Variants in ATF7IP observed in about 807,000 individuals in gnomAD.
The protein encoded by ATF7IP is activating transcription factor 7-interacting protein 1.
Under a neutral mutation model 106.4 loss-of-function variants are expected in ATF7IP, and 23 were observed. That is an observed-to-expected ratio of 0.22 (90% CI 0.16 to 0.31). ATF7IP has a LOEUF of 0.31. ATF7IP is among the 10% of genes least tolerant of loss of function. The pLI is 1.00. For missense variants in ATF7IP, 1,334 were observed against 1,524.3 expected (o/e 0.88, Z 2.08); for synonymous variants, 542 against 539.0 (o/e 1.01, Z -0.08).
intron 13 of ATF7IP, among the ~76,000 whole-genome samples, chr12:14,485,685 T>C (rs1425778428): frequency 6.6e-6 from 1 of 152,222 alleles, no homozygotes; most frequent in Non-Finnish European, 1.5e-5. Context: ...AAATTGCTTC[T>C]GGTGGGCCTT....
At chr12:14,495,204 C>A (rs1296778144) in intron 13 of ATF7IP, among the ~76,000 whole-genome samples, 1 of 152,160 alleles carries the variant, frequency 6.6e-6, no homozygotes, top group Non-Finnish European at 1.5e-5. Context: ...TCCACTGACT[C>A]AAATGTTAAT....
At chr12:14,469,202 A>G (rs192430955) in intron 10 of ATF7IP, among the ~76,000 whole-genome samples, 82 of 152,126 alleles carry the variant, frequency 5.4e-4, no homozygotes, top group African/African-American at 1.7e-3. Context: ...TCTACTAAAA[A>G]TACAAAAATT....
At chr12:14,402,001 C>T (rs1419868142) in intron 1 of ATF7IP, among the ~76,000 whole-genome samples, 2 of 151,610 alleles carry the variant, frequency 1.3e-5, no homozygotes, top group Non-Finnish European at 2.9e-5. Context: ...CGTGAGCCAC[C>T]GCGCCTGGCC....
At chr12:14,450,212 A>C (rs73304301) in intron 6 of ATF7IP, among the ~76,000 whole-genome samples, 3,183 of 152,302 alleles carry the variant, frequency 0.021, 102 homozygotes, top group African/African-American at 0.071. Context: ...ATTGAACAGA[A>C]GTGGCAAGAG....
intron 5 of ATF7IP, 22 bp downstream of exon 5, chr12:14,438,289 G>C (rs771494608): frequency 1.1e-5 from 18 of 1,589,710 alleles, no homozygotes; most frequent in Non-Finnish European, 7.7e-6. Flanking sequence ...GACTTGAGTT[G>C]TATACTCCAT....
At chr12:14,468,737 A>G (rs1017811360) in intron 10 of ATF7IP, among the ~76,000 whole-genome samples, 43 of 152,242 alleles carry the variant, frequency 2.8e-4, no homozygotes, top group African/African-American at 1.0e-3. Flanking sequence ...AATAATAAAT[A>G]TAATTACAGG....
chr12:14,455,392 A>G (rs1406351247), intron 6 of ATF7IP, among the ~76,000 whole-genome samples: 1 of 152,104 alleles, frequency 6.6e-6, no homozygotes, highest in Non-Finnish European at 1.5e-5. Flanking sequence ...CTCTACACGT[A>G]TCTAATGCAA....
intron 13 of ATF7IP, among the ~76,000 whole-genome samples, chr12:14,493,536 A>G (rs1306959162): frequency 1.3e-5 from 2 of 152,142 alleles, no homozygotes. Flanking sequence ...TGATGGCAGC[A>G]TGGGTCAGGG....
chr12:14,492,094 G>T (rs1944845554), intron 13 of ATF7IP, among the ~76,000 whole-genome samples: 1 of 152,186 alleles, frequency 6.6e-6, no homozygotes, highest in African/African-American at 2.4e-5. Context: ...CCAATGTGGT[G>T]GTTCTGCCAG....
intron 5 of ATF7IP, among the ~76,000 whole-genome samples, chr12:14,446,155 G>GTT (rs578250934): frequency 6.8e-6 from 1 of 146,258 alleles, no homozygotes; most frequent in African/African-American, 2.5e-5. Context: ...TTTGTTTTTT[G>GTT]TTTTTTTTTT....
chr12:14,379,794 G>A (rs754879739), intron 1 of ATF7IP, among the ~76,000 whole-genome samples: 14 of 152,024 alleles, frequency 9.2e-5, no homozygotes, highest in Non-Finnish European at 1.8e-4. Context: ...AAGCCATTCT[G>A]ATTTCAGATT....
intron 5 of ATF7IP, among the ~76,000 whole-genome samples, chr12:14,440,161 G>A (rs1942627705): frequency 6.6e-6 from 1 of 152,078 alleles, no homozygotes; most frequent in African/African-American, 2.4e-5. Flanking sequence ...ACAGTGAGTT[G>A]CCAAGTTACA....
At chr12:14,420,624 G>A (rs1418439720) in intron 1 of ATF7IP, among the ~76,000 whole-genome samples, 6 of 126,244 alleles carry the variant, frequency 4.8e-5, no homozygotes, top group South Asian at 5.1e-4. Context: ...GCGAGACTCC[G>A]TCTCAAAAAG....
Position 14,498,380 on chromosome 12 carries a change from A to C in ATF7IP, c.*307A>C, listed in dbSNP as rs1320519962. The C allele has an allele frequency of 1.5e-5, 4 of 262,118 alleles. No individual in the cohort carries two copies. The highest frequency in any genetic ancestry group is 4.9e-5 in the Admixed American group (1 of 20,600). 16.2% of individuals were successfully genotyped at this position (262,118 alleles called of 1,614,324 possible). ...CCTTATGTAGGTGTTATTGCATTGG[A>C]GTCTCCCATTTTCATTCTCAAATTT... On this transcript the variant is annotated 3_prime_UTR_variant, in exon 15 of 15. Coordinates refer to ENST00000261168, the MANE Select transcript of ATF7IP (RefSeq NM_018179.5).
In ATF7IP at chr12:14,476,744, A is replaced by G. The variant is rs959234355; in HGVS notation, c.2941+776A>G. ...TATATGTATTCATTTAATTTTGGTC[A>G]TTTGAATTAATTTCTTTTATCTAGC... On this transcript the variant is annotated intron_variant, in intron 11 of 14. Coordinates refer to ENST00000261168, the MANE Select transcript of ATF7IP (RefSeq NM_018179.5). Among the ~76,000 whole-genome samples the G allele has an allele frequency of 2.0e-5, 3 of 152,072 alleles. No homozygotes were observed. In the South Asian group the frequency reaches 6.2e-4, roughly 31 times the overall value.
chr12:14,397,839 A>G (rs996563326), intron 1 of ATF7IP, among the ~76,000 whole-genome samples: 1 of 152,140 alleles, frequency 6.6e-6, no homozygotes, highest in Non-Finnish European at 1.5e-5. Flanking sequence ...GATGCTCAGA[A>G]CCAAACATAA....
chr12:14,370,596 T>G (rs1006537956), intron 1 of ATF7IP, among the ~76,000 whole-genome samples: 1 of 152,188 alleles, frequency 6.6e-6, no homozygotes, highest in Non-Finnish European at 1.5e-5. Context: ...AACCTTATAC[T>G]ATTTTTTTTA....
chr12:14,483,146 G>A (rs1321575572), intron 13 of ATF7IP, among the ~76,000 whole-genome samples: 2 of 152,160 alleles, frequency 1.3e-5, no homozygotes, highest in African/African-American at 2.4e-5. Flanking sequence ...CCCATTCTGT[G>A]TTCTCTTTGC....
chr12:14,396,197 G>A (rs936169418), intron 1 of ATF7IP, among the ~76,000 whole-genome samples: 1 of 151,924 alleles, frequency 6.6e-6, no homozygotes, highest in Non-Finnish European at 1.5e-5. Context: ...AAGGAATTAC[G>A]TCAGGCAGCT....
Sources: gnomAD v4.1 joint callset for allele counts (sites outside exome capture counted in the v4.1 genomes callset) on GRCh38, gnomAD v4.1.1 for gene constraint, MANE v1.5 for transcripts, NCBI Gene and HGNC (gene_info 2026-07-23, HGNC 2026-07-21) for gene names.